The following PCLO variants were observed in gnomAD, a reference collection of about 807,000 sequenced individuals.
PCLO encodes piccolo presynaptic cytomatrix protein, also known as protein piccolo.
A neutral mutation model predicts 427.5 loss-of-function variants in PCLO; 82 were observed. The ratio of observed to expected loss-of-function variants is 0.19; its 90% CI spans 0.16 to 0.23. PCLO has a LOEUF of 0.23. PCLO is among the 10% of genes least tolerant of loss of function. The pLI is 1.00. For missense variants in PCLO, 6,239 were observed against 6,115.9 expected, an observed-to-expected ratio of 1.02 and a Z score of -0.67; for synonymous variants, 2,357 against 2,155.4, an observed-to-expected ratio of 1.09 and a Z score of -2.59.
intron 6 of PCLO, among the ~76,000 whole-genome samples, chr7:82,922,613 C>T (rs1460587995): frequency 2.0e-5 from 3 of 151,732 alleles, no homozygotes; most frequent in East Asian, 3.9e-4. Flanking sequence ...GAGTGGTGAT[C>T]GAAAAACTAG....
intron 3 of PCLO, among the ~76,000 whole-genome samples, chr7:82,968,517 C>CTTTTTTTTTTTTTTTTTTTTTTTTTTT (rs11324005): frequency 2.7e-5 from 2 of 73,228 alleles, no homozygotes; most frequent in African/African-American, 9.6e-5. Flanking sequence ...CAGAGTCTGA[C>CTTTTTTTTTTTTTTTTTTTTTTTTTTT]TTTTTTTTTT....
At chr7:83,158,790 TAA>T (rs1792363301) in intron 1 of PCLO, among the ~76,000 whole-genome samples, 2 of 152,028 alleles carry the variant, frequency 1.3e-5, no homozygotes, top group Admixed American at 1.3e-4. Context: ...CATACAACCC[TAA>T]AGACTGTCTT....
chr7:83,095,341 G>T (rs2116458537), intron 3 of PCLO, among the ~76,000 whole-genome samples: 1 of 151,688 alleles, frequency 6.6e-6, no homozygotes, highest in South Asian at 2.1e-4. Context: ...ATCTTTTCTT[G>T]TCTTGCTACA....
chr7:82,776,907 CACACA>C (rs1167524045), intron 22 of PCLO, among the ~76,000 whole-genome samples: 39 of 107,662 alleles, frequency 3.6e-4, no homozygotes, highest in African/African-American at 2.0e-3. Context: ...TAGATATACG[CACACA>C]CACACACACA....
intron 3 of PCLO, among the ~76,000 whole-genome samples, chr7:82,991,359 CTAAATAAA>C (rs571743634): frequency 4.4e-4 from 67 of 151,832 alleles, no homozygotes; most frequent in African/African-American, 1.5e-3. Flanking sequence ...GACTCCGTCT[CTAAATAAA>C]TAAATAAATA....
chr7:82,899,592 C>T lies in PCLO; in HGVS notation c.13528+3059G>A, dbSNP rs76516392. ...TTTTTAGTATTATTTTAGGTAGATA[C>T]CACAAGAAAAAGGGGCATTCAGAGA... On this transcript the variant is annotated intron_variant, in intron 9 of 24. Transcript: ENST00000333891. Among the ~76,000 whole-genome samples, 690 of 151,190 alleles carry T rather than the reference C, an allele frequency of 4.6e-3. 4 individuals are homozygous for T. Among genetic ancestry groups the T allele is most frequent in the African/African-American group, 0.013 (547 of 41,372 alleles).
At chr7:82,766,943 T>A (rs925797452) in intron 22 of PCLO, among the ~76,000 whole-genome samples, 1 of 152,188 alleles carries the variant, frequency 6.6e-6, no homozygotes, top group Non-Finnish European at 1.5e-5. Flanking sequence ...AAGGACGTGC[T>A]TACTGAGGTT....
rs1199445166 is a variant in PCLO, at chr7:83,057,348, ATTTTTTTTTTTTTTTT to A, written c.3300+76886_3300+76901del. Among the ~76,000 whole-genome samples, 117 of 19,542 alleles carry A rather than the reference ATTTTTTTTTTTTTTTT, an allele frequency of 6.0e-3. 1 individual carries two copies. The highest frequency in any genetic ancestry group is 9.9e-3 in the Non-Finnish European group (110 of 11,070). The allele number at this position is 19,542 out of a possible 152,430, so 12.8% of individuals were successfully genotyped here. A position where few individuals can be genotyped will look rare whatever the true frequency, so the allele number is the denominator to read the frequency against. ...TATATATATATATATATATATATAT[ATTTTTTTTTTTTTTTT>A]TTTTTTTTTTTTTTTGAGGCAGAGT... On this transcript the variant is annotated intron_variant, in intron 3 of 24. Coordinates refer to ENST00000333891, the MANE Select transcript of PCLO (RefSeq NM_033026.6).
rs138939713 is a variant in PCLO, at chr7:83,032,764, C to G, written c.3301-66277G>C. Among the ~76,000 whole-genome samples the G allele has an allele frequency of 8.5e-3, 1,285 of 152,036 alleles. 13 individuals are homozygous for G. Among genetic ancestry groups the G allele is most frequent in the Non-Finnish European group, 0.014 (927 of 67,988 alleles). The stretch of plus-strand genomic sequence containing the variant: ...GACTACTCTCTTCTTTTCTTTATAC[C>G]CCACATCCAAAAATCTAGAGTTGAA... On this transcript the variant is annotated intron_variant, in intron 3 of 24. Coordinates refer to ENST00000333891, the MANE Select transcript of PCLO (RefSeq NM_033026.6).
In PCLO at chr7:82,949,894, A is replaced by G. The variant is rs752719375; in HGVS notation, c.10694T>C (p.Leu3565Ser). ...APEKTYKGGS[L>S]GCQTEADSDT... ...TGAATCTGCTTCTGTTTGACATCCT[A>G]AACTGCCCCCTTTGTAAGTCTTTTC... Residue 3565 changes from leucine (L) to serine (S), a missense_variant, in exon 6 of 25, where the codon TTA becomes TCA. Around this residue, in one of 5 missense-constraint regions of PCLO, gnomAD observed 4,677 missense variants for 4,468.4 expected, o/e 1.05. Transcript: ENST00000333891. 6.2e-7 allele frequency: 1 copy of G among 1,613,620 alleles called. No individual in the cohort carries two copies. Among genetic ancestry groups the G allele is most frequent in the Admixed American group, 1.7e-5 (1 of 59,966 alleles).
At chr7:82,778,753 T>G (rs1464043932) in intron 22 of PCLO, among the ~76,000 whole-genome samples, 3 of 152,090 alleles carry the variant, frequency 2.0e-5, no homozygotes, top group Non-Finnish European at 2.9e-5. Flanking sequence ...GCCATGCCTT[T>G]CAATTTTTTT....
At chr7:82,799,900 A>T (rs1176650795) in intron 22 of PCLO, among the ~76,000 whole-genome samples, 1 of 152,094 alleles carries the variant, frequency 6.6e-6, no homozygotes, top group Non-Finnish European at 1.5e-5. Context: ...TCACGAGTAT[A>T]TCATCAATTG....
intron 20 of PCLO, among the ~76,000 whole-genome samples, chr7:82,809,772 A>G (rs1246315989): frequency 2.0e-5 from 3 of 151,582 alleles, no homozygotes; most frequent in Admixed American, 6.6e-5. Context: ...GTTCTTTGTC[A>G]AAGAAACTTT....
intron 3 of PCLO, among the ~76,000 whole-genome samples, chr7:83,130,695 C>T (rs1791548777): frequency 6.6e-6 from 1 of 152,104 alleles, no homozygotes; most frequent in Non-Finnish European, 1.5e-5. Flanking sequence ...TGCAGGATAT[C>T]TCCACTAGGC....
At chr7:83,059,642 T>A (rs939099067) in intron 3 of PCLO, among the ~76,000 whole-genome samples, 6 of 152,146 alleles carry the variant, frequency 3.9e-5, no homozygotes, top group South Asian at 2.1e-4. Context: ...ACAGAAGCCA[T>A]AAATCTAAGT....
rs1791824898 is a variant in PCLO, at chr7:82,822,667, C to T, written c.14619G>A (p.Glu4873=). The change falls in exon 20 of 25, where the codon GAG becomes GAA. Residue 4873 remains glutamate, a synonymous_variant. Coordinates refer to ENST00000333891, the MANE Select transcript of PCLO (RefSeq NM_033026.6). ...PSKDMQVPTI[E]KSHSSPGSSK... ...AGCTACCAGGACTACTATGGGATTT[C>T]TCAATGGTGGGAACCTGCATGTCTG... The T allele has an allele frequency of 6.2e-7, 1 of 1,613,472 alleles. No individual in the cohort carries two copies. Among genetic ancestry groups the T allele is most frequent in the Non-Finnish European group, 8.5e-7 (1 of 1,179,776 alleles).
chr7:83,058,099 C>T (rs921995609), intron 3 of PCLO, among the ~76,000 whole-genome samples: 1 of 152,114 alleles, frequency 6.6e-6, no homozygotes, highest in Non-Finnish European at 1.5e-5. Context: ...GTATTTAAGG[C>T]TCAGGCCTAT....
At chr7:82,970,077 G>A (rs1280644147) in intron 3 of PCLO, among the ~76,000 whole-genome samples, 1 of 152,006 alleles carries the variant, frequency 6.6e-6, no homozygotes, top group African/African-American at 2.4e-5. Context: ...CAATGATTAA[G>A]TTAAGAGATG....
intron 13 of PCLO, 41 bp from the exon 14 acceptor site, chr7:82,841,550 T>G: frequency 8.3e-7 from 1 of 1,198,040 alleles, no homozygotes; most frequent in African/African-American, 1.5e-5. Flanking sequence ...ATAGATACAT[T>G]TTTCACATAA....
Sources: allele counts gnomAD v4.1 joint callset (sites outside exome capture counted in the v4.1 genomes callset), GRCh38; gene constraint gnomAD v4.1.1; regional missense constraint gnomAD v4.1.1; transcripts MANE v1.5; gene names NCBI Gene and HGNC (gene_info 2026-07-23, HGNC 2026-07-21).